PMFBP1: variants seen among roughly 807,000 people sequenced by gnomAD.
PMFBP1 encodes polyamine-modulated factor 1-binding protein 1.
PMFBP1 carries 131 observed loss-of-function variants against 137.8 expected under a neutral mutation model. That is an observed-to-expected ratio of 0.95 (90% CI 0.82 to 1.10). The LOEUF (loss-of-function observed/expected upper bound fraction) is 1.10. Ranked by LOEUF, PMFBP1 falls within the 50% of genes least tolerant of loss-of-function variation. PMFBP1 has a pLI of 0.00. For missense variants in PMFBP1, 1,199 were observed against 1,175.4 expected, an observed-to-expected ratio of 1.02 and a Z score of -0.29; for synonymous variants, 490 against 450.4, an observed-to-expected ratio of 1.09 and a Z score of -1.11.
chr16:72,121,041 T>C (rs1268400281), intron 19 of PMFBP1, among the ~76,000 whole-genome samples: 1 of 152,226 alleles, frequency 6.6e-6, no homozygotes, highest in Non-Finnish European at 1.5e-5. Context: ...AAGAGTGAGT[T>C]CTTTGTGAAA....
the PMFBP1 span, among the ~76,000 whole-genome samples, chr16:72,216,881 T>C: frequency 6.6e-6 from 1 of 152,162 alleles, no homozygotes; most frequent in Non-Finnish European, 1.5e-5. Flanking sequence ...TTCGCTGCAG[T>C]ATAAGTAGTA....
chr16:72,221,018 G>A, the PMFBP1 span, among the ~76,000 whole-genome samples: 1 of 152,042 alleles, frequency 6.6e-6, no homozygotes, highest in Non-Finnish European at 1.5e-5. Context: ...CAGCCTAAGC[G>A]AACCTAGAGA....
the PMFBP1 span, among the ~76,000 whole-genome samples, chr16:72,202,354 T>C: frequency 2.0e-5 from 3 of 152,236 alleles, no homozygotes; most frequent in Non-Finnish European, 2.9e-5. Flanking sequence ...AATTTTATTT[T>C]ATTTTTAGAG....
At chr16:72,118,762 G>GC (rs1555541144), downstream of PMFBP1, among the ~76,000 whole-genome samples, 3 of 86,440 alleles carry the variant, frequency 3.5e-5, no homozygotes, top group Admixed American at 4.2e-4. Flanking sequence ...CCGGTGGTGG[G>GC]CGGGGGGGCA....
At position 72,132,728 on chromosome 16, in the gene PMFBP1, A is replaced by G. The variant is rs746372321; in HGVS notation, c.1447+20T>C. On this transcript the variant is annotated intron_variant, in intron 10 of 20. Coordinates refer to ENST00000237353, the MANE Select transcript of PMFBP1 (RefSeq NM_031293.3). ...GCCCCACAGAAAAGTGTGGTGGGAC[A>G]GCACCTGCAGGGGCCTCACCAGCCA... 1.1e-5 allele frequency: 17 copies of G among 1,613,876 alleles called. No homozygotes were observed. The highest frequency in any genetic ancestry group is 1.3e-5 in the Non-Finnish European group (15 of 1,179,934).
the PMFBP1 span, among the ~76,000 whole-genome samples, chr16:72,245,779 C>T: frequency 1.3e-5 from 2 of 152,210 alleles, no homozygotes; most frequent in African/African-American, 4.8e-5. Context: ...CTGCTGATGG[C>T]TTCTCCCTCT....
chr16:72,172,883 C>T (rs1288596334), upstream of PMFBP1, among the ~76,000 whole-genome samples: 1 of 152,128 alleles, frequency 6.6e-6, no homozygotes, highest in Non-Finnish European at 1.5e-5. Context: ...AATAGACTTG[C>T]TTGATGCAGG....
In PMFBP1 at chr16:72,169,992, A is replaced by G. The variant is rs12149625; in HGVS notation, c.12+1205T>C. On this transcript the variant is annotated intron_variant, in intron 2 of 20. Coordinates refer to ENST00000237353, the MANE Select transcript of PMFBP1 (RefSeq NM_031293.3). ...TATGTTGGAGATCAGCCACCTATGG[A>G]ACGTGGGCTGATTTTTATTGGCACC... 4.7e-3 allele frequency among the ~76,000 whole-genome samples: 714 copies of G among 151,824 alleles called. 3 individuals carry two copies. The highest frequency in any genetic ancestry group is 7.4e-3 in the Non-Finnish European group (503 of 67,956).
chr16:72,151,043 C>G (rs1417791020), intron 4 of PMFBP1, among the ~76,000 whole-genome samples: 1 of 152,222 alleles, frequency 6.6e-6, no homozygotes, highest in East Asian at 1.9e-4. Flanking sequence ...GAGGTAAGCT[C>G]CTTCAAGGCA....
At position 72,150,599 on chromosome 16, in the gene PMFBP1, A is replaced by G. The variant is rs191924826; in HGVS notation, c.636+9T>C. The G allele has an allele frequency of 6.2e-7, 1 of 1,611,806 alleles. No individual in the cohort carries two copies. The highest frequency in any genetic ancestry group is 1.3e-5 in the African/African-American group (1 of 74,974). On this transcript the variant is annotated intron_variant, in intron 5 of 20. Transcript: ENST00000237353. ...TTGCCTGGATTGAATGGCCTGACTT[A>G]AGTCCTACCTGACCCATGATCCCGC...
chr16:72,132,583 G>A (rs888012774), intron 10 of PMFBP1, 165 bp downstream of exon 10: 28 of 1,077,820 alleles, frequency 2.6e-5, no homozygotes, highest in East Asian at 5.0e-5. Flanking sequence ...TCAAGAGGGC[G>A]GTGGCCACTG....
chr16:72,205,745 T>C, the PMFBP1 span, among the ~76,000 whole-genome samples: 4,851 of 152,224 alleles, frequency 0.032, 117 homozygotes, highest in Non-Finnish European at 0.046. Flanking sequence ...ATAGAGTTCT[T>C]GGAGATCATC....
chr16:72,142,087 C>T (rs889048407), intron 5 of PMFBP1, among the ~76,000 whole-genome samples: 3 of 151,314 alleles, frequency 2.0e-5, no homozygotes, highest in Admixed American at 1.3e-4. Context: ...TCTAACTGGG[C>T]TTTTTCAGGC....
At chr16:72,156,661 G>C (rs1397055571) in intron 3 of PMFBP1, among the ~76,000 whole-genome samples, 2 of 151,900 alleles carry the variant, frequency 1.3e-5, no homozygotes, top group East Asian at 3.9e-4. Context: ...TTTATTGCTG[G>C]ATAGTATTCC....
intron 3 of PMFBP1, among the ~76,000 whole-genome samples, chr16:72,163,653 A>T (rs1304941298): frequency 6.6e-6 from 1 of 152,212 alleles, no homozygotes; most frequent in African/African-American, 2.4e-5. Context: ...AGCAGATAAA[A>T]GGTGTGTCCA....
intron 5 of PMFBP1, among the ~76,000 whole-genome samples, chr16:72,144,638 T>C (rs1176186841): frequency 1.3e-5 from 2 of 152,044 alleles, no homozygotes; most frequent in African/African-American, 2.4e-5. Context: ...GATAAAAACA[T>C]AAAAATGCAA....
chr16:72,126,358 C>G (rs2042458877), intron 14 of PMFBP1, among the ~76,000 whole-genome samples: 1 of 152,236 alleles, frequency 6.6e-6, no homozygotes, highest in Non-Finnish European at 1.5e-5. Flanking sequence ...TAGCATTTCC[C>G]TCAAACAGCA....
At chr16:72,217,224 G>A in the PMFBP1 span, among the ~76,000 whole-genome samples, 1 of 152,062 alleles carries the variant, frequency 6.6e-6, no homozygotes, top group African/African-American at 2.4e-5. Flanking sequence ...AAAGACATAT[G>A]CATATGTACT....
At position 72,139,382 on chromosome 16, in the gene PMFBP1, C is replaced by T. The variant is rs1383602142; in HGVS notation, c.825G>A (p.Lys275=). 1 of 1,613,906 alleles carries T rather than the reference C, an allele frequency of 6.2e-7. No homozygotes were observed. Among genetic ancestry groups the T allele is most frequent in the South Asian group, 1.1e-5 (1 of 91,012 alleles). Residue 275 remains lysine (K), a synonymous_variant, in exon 7 of 21, where the codon AAG becomes AAA. Transcript: ENST00000237353. The part of the protein sequence containing the change: ...CSNALVLERE[K]ALIKLQADFA... ...AATCGGCTTGTAGTTTTATCAAAGC[C>T]TTTTCACGCTCCAGAACCTGCAAAT...
Sources: allele counts gnomAD v4.1 joint callset (sites outside exome capture counted in the v4.1 genomes callset), GRCh38; gene constraint gnomAD v4.1.1; transcripts MANE v1.5; gene names NCBI Gene and HGNC (gene_info 2026-07-23, HGNC 2026-07-21).